The following RPL5 variants were observed in gnomAD, a reference collection of about 807,000 sequenced individuals.
The protein encoded by RPL5 is ribosomal protein L5, also known as large ribosomal subunit protein uL18.
Under a neutral mutation model 38.4 loss-of-function variants are expected in RPL5, and 1 was observed. The observed-to-expected ratio is 0.03, with a 90% CI of 0.01 to 0.12. The LOEUF is 0.12. Ranked by LOEUF, RPL5 falls within the 10% of genes least tolerant of loss-of-function variation. The pLI, the probability that RPL5 is intolerant of heterozygous loss-of-function variation, is 1.00. For synonymous variants in RPL5, 109 were observed against 121.2 expected, an observed-to-expected ratio of 0.90 and a Z score of 0.66; for missense variants, 243 against 374.1, an observed-to-expected ratio of 0.65 and a Z score of 2.89.
chr1:92,835,658 C>CT (rs1687090568), intron 4 of RPL5, among the ~76,000 whole-genome samples: 1 of 48,902 alleles, frequency 2.0e-5, no homozygotes, highest in African/African-American at 7.5e-5. Context: ...GAAACTGTGT[C>CT]TCAAAAAAAA....
At chr1:92,834,944 T>C (rs1413494884) in intron 4 of RPL5, 31 bp downstream of exon 4, 2 of 1,599,680 alleles carry the variant, frequency 1.3e-6, no homozygotes, top group Non-Finnish European at 1.7e-6. Context: ...ATTGATGTAG[T>C]TTGTGGCTGA....
At chr1:92,834,668 G>A in intron 3 of RPL5, 111 bp from the exon 4 acceptor site, 3 of 1,406,550 alleles carry the variant, frequency 2.1e-6, no homozygotes, top group South Asian at 1.2e-5. Context: ...AGCATTTTAA[G>A]TGATGTTCAT....
intron 3 of RPL5, among the ~76,000 whole-genome samples, chr1:92,834,250 T>C (rs1687030615): frequency 6.6e-6 from 1 of 152,218 alleles, no homozygotes; most frequent in African/African-American, 2.4e-5. Flanking sequence ...TAAACAGGGC[T>C]TTAAGATTGT....
At chr1:92,838,263 A>G (rs562471035) in intron 6 of RPL5, among the ~76,000 whole-genome samples, 1 of 152,346 alleles carries the variant, frequency 6.6e-6, no homozygotes, top group African/African-American at 2.4e-5. Flanking sequence ...TGAATAAACA[A>G]ATAGCTTGAG....
chr1:92,833,442 A>G lies in RPL5; in HGVS notation c.57A>G (p.Lys19=). The part of the protein sequence containing the change: ...NKAYFKRYQV[K]FRRRREGKTD... ...CCTACTTTAAGAGATACCAAGTGAAATTTAGAAGACGACGAGGTACTGTCA... is the reference window on the plus strand; with the variant it reads ...CCTACTTTAAGAGATACCAAGTGAAGTTTAGAAGACGACGAGGTACTGTCA... Residue 19 remains lysine, a synonymous_variant, in exon 2 of 8, where the codon AAA becomes AAG. Transcript: ENST00000370321. 1.2e-6 allele frequency: 2 copies of G among 1,614,112 alleles called. No homozygotes were observed. The highest frequency in any genetic ancestry group is 4.5e-5 in the East Asian group (2 of 44,866).
At chr1:92,832,966 G>T (rs1229259400) in intron 1 of RPL5, 4 of 723,180 alleles carry the variant, frequency 5.5e-6, no homozygotes, top group African/African-American at 1.7e-5. Flanking sequence ...ACAAACCGAC[G>T]TTTGGCATCA....
intron 3 of RPL5, 25 bp downstream of exon 3, chr1:92,833,685 C>T: frequency 6.4e-7 from 1 of 1,567,172 alleles, no homozygotes; most frequent in African/African-American, 1.4e-5. Flanking sequence ...AGACAGTCCC[C>T]TTTTTTTATT....
chr1:92,832,176 G>A (rs577876567), intron 1 of RPL5, 59 bp downstream of exon 1: 4 of 1,608,820 alleles, frequency 2.5e-6, no homozygotes, highest in Middle Eastern at 1.7e-4. Context: ...TTTCTTGCCC[G>A]TATGCCAGCC....
At chr1:92,832,662 G>C in intron 1 of RPL5, 1 of 329,758 alleles carries the variant, frequency 3.0e-6, no homozygotes, top group South Asian at 4.7e-5. Context: ...GGGTCCCTGG[G>C]CCCCGGAAGC....
rs541068965 is a variant in RPL5 at position 92,840,798 on chromosome 1, A to C, written c.794+159A>C. 42 of 738,430 alleles carry C rather than the reference A, an allele frequency of 5.7e-5. No individual in the cohort carries two copies. The Admixed American group carries it at 7.2e-4, about 13-fold the overall frequency. 45.7% of individuals were successfully genotyped at this position (738,430 alleles called of 1,614,324 possible). The stretch of plus-strand genomic sequence containing the variant: ...TTTGCAAAAGTAACTGTGGTGATGG[A>C]AATGTGTTAGCCTCAGACACTACTG... On this transcript the variant is annotated intron_variant, in intron 7 of 7. Coordinates refer to ENST00000370321, the MANE Select transcript of RPL5 (RefSeq NM_000969.5).
chr1:92,837,076 C>T, intron 5 of RPL5: 1 of 334,704 alleles, frequency 3.0e-6, no homozygotes, highest in South Asian at 2.5e-5. Flanking sequence ...AGAGCATTCT[C>T]ACTTGACAAT....
intron 3 of RPL5, chr1:92,833,906 G>A (rs1396827196): frequency 5.9e-6 from 3 of 507,298 alleles, no homozygotes; most frequent in African/African-American, 3.9e-5. Flanking sequence ...AGGAGTTTGA[G>A]ACCAGCCTGG....
At chr1:92,833,846 G>C (rs1436407945) in intron 3 of RPL5, 186 bp downstream of exon 3, 1 of 602,494 alleles carries the variant, frequency 1.7e-6, no homozygotes. Flanking sequence ...AATGCTCTTG[G>C]TTGCGCTCAT....
chr1:92,839,059 T>G (rs1687238232), intron 6 of RPL5, among the ~76,000 whole-genome samples: 1 of 150,052 alleles, frequency 6.7e-6, no homozygotes, highest in Non-Finnish European at 1.5e-5. Context: ...TTCAGTGAGT[T>G]TTAGAACAAA....
chr1:92,837,741 A>T, intron 6 of RPL5, 108 bp downstream of exon 6: 1 of 865,090 alleles, frequency 1.2e-6, no homozygotes, highest in Middle Eastern at 3.2e-4. Context: ...TCTTGACAAC[A>T]TGAGCTAGAC....
chr1:92,831,994 G>T (rs972708406), upstream of RPL5: 10 of 1,472,082 alleles, frequency 6.8e-6, no homozygotes, highest in Middle Eastern at 3.4e-4. Context: ...CACGTCACTG[G>T]CGTGACCGTC....
chr1:92,836,423 G>A (rs1687129414), intron 5 of RPL5, 31 bp downstream of exon 5: 1 of 1,593,960 alleles, frequency 6.3e-7, no homozygotes, highest in Non-Finnish European at 8.6e-7. Context: ...CTTGGTGCCT[G>A]GACCGTGGTA....
chr1:92,833,039 A>G, intron 1 of RPL5: 1 of 738,310 alleles, frequency 1.4e-6, no homozygotes, highest in Non-Finnish European at 2.5e-6. Flanking sequence ...CTGGTCCTTG[A>G]AGAAACAAAT....
At chr1:92,838,948 T>C (rs1042675138) in intron 6 of RPL5, among the ~76,000 whole-genome samples, 2 of 152,294 alleles carry the variant, frequency 1.3e-5, no homozygotes, top group African/African-American at 2.4e-5. Context: ...CATCTCCACA[T>C]TGATTGAATA....
Sources: gnomAD v4.1 joint callset for allele counts (sites outside exome capture counted in the v4.1 genomes callset) on GRCh38, gnomAD v4.1.1 for gene constraint, MANE v1.5 for transcripts, NCBI Gene and HGNC (gene_info 2026-07-23, HGNC 2026-07-21) for gene names.